Variants in RPS6KB1 observed in about 807,000 individuals in gnomAD.
RPS6KB1 encodes ribosomal protein S6 kinase beta-1.
RPS6KB1 carries 12 observed loss-of-function variants against 70.2 expected under a neutral mutation model. That is an observed-to-expected ratio of 0.17 (90% CI 0.11 to 0.28). The LOEUF is 0.28. Ranked by LOEUF, RPS6KB1 falls within the 10% of genes least tolerant of loss-of-function variation. The probability of loss-of-function intolerance (pLI) is 1.00; values close to 1 mark genes in which losing one functional copy is unlikely to be tolerated. For synonymous variants in RPS6KB1, 175 were observed against 211.2 expected, an observed-to-expected ratio of 0.83 and a Z score of 1.49; for missense variants, 270 against 646.6, an observed-to-expected ratio of 0.42 and a Z score of 6.32.
chr17:59,938,555 G>A (rs1185391784), intron 12 of RPS6KB1, among the ~76,000 whole-genome samples: 1 of 151,980 alleles, frequency 6.6e-6, no homozygotes, highest in Admixed American at 6.6e-5. Flanking sequence ...TTTTGATTTT[G>A]CTGATGTTAT....
At position 59,934,927 on chromosome 17, in the gene RPS6KB1, C is replaced by T; in HGVS notation, c.871-266C>T. The stretch of plus-strand genomic sequence containing the variant: ...GTCTGCCGGCCACAGTGGTGCATGC[C>T]TGTAGCCTAAGCTACTCAGGAGGCT... On this transcript the variant is annotated intron_variant, in intron 9 of 14. Coordinates refer to ENST00000225577, the MANE Select transcript of RPS6KB1 (RefSeq NM_003161.4). This position sits in a 1 kb window ranked among gnomAD's most constrained non-coding sequence, Gnocchi z 4.8. 1 of 389,624 alleles carries T rather than the reference C, an allele frequency of 2.6e-6. No individual in the cohort carries two copies. The highest frequency in any genetic ancestry group is 3.3e-5 in the South Asian group (1 of 30,428). 24.1% of individuals were successfully genotyped at this position (389,624 alleles called of 1,614,324 possible).
chr17:59,909,663 G>A (rs942416579), intron 1 of RPS6KB1, among the ~76,000 whole-genome samples: 4 of 151,518 alleles, frequency 2.6e-5, no homozygotes, highest in African/African-American at 9.7e-5. Flanking sequence ...GATCACCTGA[G>A]GTCAGGAGTT....
rs1442231873 is a variant in RPS6KB1, at chr17:59,949,260, C to G, written c.*2472C>G. ...ATGACTGTGAAAACATGTCAAGTGT[C>G]ACATTAGTGTCACAGACAGAAAGCA... On this transcript the variant is annotated 3_prime_UTR_variant, in exon 15 of 15. Transcript: ENST00000225577. 1 of 152,592 alleles carries G rather than the reference C, an allele frequency of 6.6e-6. No individual in the cohort carries two copies. The highest frequency in any genetic ancestry group is 1.5e-5 in the Non-Finnish European group (1 of 68,002). The allele number at this position is 152,592 out of a possible 1,614,324, so 9.5% of individuals were successfully genotyped here. A position where few individuals can be genotyped will look rare whatever the true frequency, so the allele number is the denominator to read the frequency against.
chr17:59,900,293 C>T (rs1371528043), intron 1 of RPS6KB1, among the ~76,000 whole-genome samples: 1 of 151,372 alleles, frequency 6.6e-6, no homozygotes, highest in African/African-American at 2.4e-5. Flanking sequence ...AAGATATATT[C>T]ACTTTAATAT....
At chr17:59,941,993 G>A (rs904868629) in intron 13 of RPS6KB1, among the ~76,000 whole-genome samples, 14 of 152,066 alleles carry the variant, frequency 9.2e-5, no homozygotes, top group Non-Finnish European at 1.6e-4. Context: ...TGAGTAGCTG[G>A]GACTACAGGT....
At chr17:59,919,294 G>A (rs1167169085) in intron 4 of RPS6KB1, among the ~76,000 whole-genome samples, 2 of 152,110 alleles carry the variant, frequency 1.3e-5, no homozygotes, top group African/African-American at 4.8e-5. Flanking sequence ...GGAGGCTGAG[G>A]CAGGTTGATC....
rs932605136 is a variant in RPS6KB1, at chr17:59,893,467, C to A, written c.141+142C>A. 1.2e-6 allele frequency: 1 copy of A among 869,118 alleles called. No homozygotes were observed. Among genetic ancestry groups the A allele is most frequent in the Admixed American group, 2.9e-5 (1 of 34,900 alleles). The allele number at this position is 869,118 out of a possible 1,614,324, so 53.8% of individuals were successfully genotyped here. On this transcript the variant is annotated intron_variant, in intron 1 of 14. Coordinates refer to ENST00000225577, the MANE Select transcript of RPS6KB1 (RefSeq NM_003161.4). The surrounding 1 kb of genome is among the most constrained non-coding windows in gnomAD (Gnocchi z 4.1). The stretch of plus-strand genomic sequence containing the variant: ...GGTCGCGCGGCCTGAGACAGGGGAG[C>A]GGGCGGGGCGGTCATGGCCCTAGGT...
chr17:59,912,824 T>TGA lies in RPS6KB1; in HGVS notation c.312+24_312+25dup, dbSNP rs1158396360. The TGA allele has an allele frequency of 6.2e-7, 1 of 1,612,728 alleles. No homozygotes were observed. Among genetic ancestry groups the TGA allele is most frequent in the African/African-American group, 1.3e-5 (1 of 74,878 alleles). On this transcript the variant is annotated intron_variant, in intron 3 of 14. Coordinates refer to ENST00000225577, the MANE Select transcript of RPS6KB1 (RefSeq NM_003161.4). ...GGAAAGGTAGGCAATATTTTTGAAA[T>TGA]GAGAGCTGTTGTCTGTCTTGAATAG... is the stretch of plus-strand genomic sequence containing the variant.
rs1292166541 is a variant in RPS6KB1 at position 59,901,668 on chromosome 17, T to G, written c.141+8343T>G. On this transcript the variant is annotated intron_variant, in intron 1 of 14. Coordinates refer to ENST00000225577, the MANE Select transcript of RPS6KB1 (RefSeq NM_003161.4). The stretch of plus-strand genomic sequence containing the variant: ...AAAAGAAAAAAAAAGAAACAGAGTT[T>G]TGGCCAATTTAGTTACTTCTGATTC... Among the ~76,000 whole-genome samples, 47 of 150,000 alleles carry G rather than the reference T, an allele frequency of 3.1e-4. 2 individuals are homozygous for G. The highest frequency in any genetic ancestry group is 3.1e-3 in the Admixed American group (46 of 14,968).
At position 59,914,885 on chromosome 17, in the gene RPS6KB1, T is replaced by C. The variant is rs772247312; in HGVS notation, c.381+182T>C. On this transcript the variant is annotated intron_variant, in intron 4 of 14. Transcript: ENST00000225577. ...GGTGCACACCTGTGGTCCCAGCTACTTGGGAGACTGAGTCAGGAGGATTGC... is the reference window on the plus strand; with the variant it reads ...GGTGCACACCTGTGGTCCCAGCTACCTGGGAGACTGAGTCAGGAGGATTGC... Among the ~76,000 whole-genome samples, 14 of 152,294 alleles carry C rather than the reference T, an allele frequency of 9.2e-5. 1 individual carries two copies. The highest frequency in any genetic ancestry group is 8.3e-4 in the South Asian group (4 of 4,820).
intron 13 of RPS6KB1, among the ~76,000 whole-genome samples, chr17:59,942,877 G>T (rs1274367242): frequency 1.3e-5 from 2 of 152,064 alleles, no homozygotes; most frequent in African/African-American, 4.8e-5. Context: ...CTACTTGGGA[G>T]GCTGAGGCAG....
chr17:59,908,817 A>G (rs1469981486), intron 1 of RPS6KB1, among the ~76,000 whole-genome samples: 35 of 133,330 alleles, frequency 2.6e-4, no homozygotes, highest in Admixed American at 2.6e-3. Context: ...ACGGGGTTTC[A>G]CCGTGTTAGC....
At chr17:59,924,235 A>G (rs1384636045) in intron 4 of RPS6KB1, among the ~76,000 whole-genome samples, 1 of 152,172 alleles carries the variant, frequency 6.6e-6, no homozygotes, top group Non-Finnish European at 1.5e-5. Context: ...AGGCTGAGGC[A>G]GGAGAATCAC....
At chr17:59,901,866 A>G (rs1468603415) in intron 1 of RPS6KB1, among the ~76,000 whole-genome samples, 1 of 151,616 alleles carries the variant, frequency 6.6e-6, no homozygotes, top group African/African-American at 2.4e-5. Context: ...AAAAATAGAA[A>G]AAAATTATCC....
At chr17:59,940,983 G>T (rs755211710) in intron 13 of RPS6KB1, 40 bp downstream of exon 13, 11 of 1,270,286 alleles carry the variant, frequency 8.7e-6, no homozygotes, top group Middle Eastern at 1.9e-4. Flanking sequence ...GGAAATTTTA[G>T]TGTGAGGATG....
rs549879048 is a variant in RPS6KB1, at chr17:59,946,228, G to T, written c.1341-323G>T. Among the ~76,000 whole-genome samples, 7 of 152,264 alleles carry T rather than the reference G, an allele frequency of 4.6e-5. No individual in the cohort carries two copies. The highest frequency in any genetic ancestry group is 8.8e-5 in the Non-Finnish European group (6 of 68,028). On this transcript the variant is annotated intron_variant, in intron 14 of 14. Coordinates refer to ENST00000225577, the MANE Select transcript of RPS6KB1 (RefSeq NM_003161.4). The surrounding 1 kb of genome is among the most constrained non-coding windows in gnomAD (Gnocchi z 4.2). ...AGGAGAAGGGCAGAGGTTTGGAAAA[G>T]TATTTTATTTTAAATGCAATAGAAA...
At chr17:59,927,660 C>T (rs946853874) in intron 5 of RPS6KB1, among the ~76,000 whole-genome samples, 1 of 151,504 alleles carries the variant, frequency 6.6e-6, no homozygotes, top group Admixed American at 6.6e-5. Flanking sequence ...GCATGCGCCA[C>T]CACACTTGGC....
At chr17:59,911,575 C>T (rs1281697263) in intron 2 of RPS6KB1, among the ~76,000 whole-genome samples, 17 of 118,410 alleles carry the variant, frequency 1.4e-4, no homozygotes, top group Non-Finnish European at 1.9e-4. Flanking sequence ...GACAAAGTCT[C>T]GCTCTTGTTC....
intron 4 of RPS6KB1, among the ~76,000 whole-genome samples, chr17:59,925,719 A>G (rs944331910): frequency 6.6e-6 from 1 of 152,188 alleles, no homozygotes; most frequent in African/African-American, 2.4e-5. Flanking sequence ...AACCATACCA[A>G]ACTACTTGTA....
Sources: allele counts gnomAD v4.1 joint callset (sites outside exome capture counted in the v4.1 genomes callset), GRCh38; gene constraint gnomAD v4.1.1; non-coding constraint Gnocchi (gnomAD v3.1); transcripts MANE v1.5; gene names NCBI Gene and HGNC (gene_info 2026-07-23, HGNC 2026-07-21).